The following DPH6 variants were observed in gnomAD, a reference collection of about 807,000 sequenced individuals.
The protein encoded by DPH6 is diphthine--ammonia ligase.
In DPH6, 33 loss-of-function variants were observed where a neutral mutation model predicts 38.2. That is an observed-to-expected ratio of 0.86 (90% CI 0.65 to 1.15). The LOEUF (loss-of-function observed/expected upper bound fraction) is 1.15, where lower values mean the gene tolerates loss of function less well. DPH6 is among the 50% of genes most tolerant of loss of function. The pLI is 0.00. For synonymous variants in DPH6, 108 were observed against 103.0 expected (o/e 1.05, Z -0.30); for missense variants, 325 against 320.0 (o/e 1.02, Z -0.12).
intron 3 of DPH6, among the ~76,000 whole-genome samples, chr15:35,468,087 C>T (rs1349792259): frequency 1.3e-5 from 2 of 152,144 alleles, no homozygotes; most frequent in African/African-American, 4.8e-5. Context: ...TCATTGGATA[C>T]AAGTAAGGCT....
In DPH6 at chr15:35,300,339, A is replaced by C. The variant is rs139138343; in HGVS notation, n.200+73182T>G. Among the ~76,000 whole-genome samples the C allele has an allele frequency of 6.4e-4, 98 of 152,344 alleles. 1 individual carries two copies. Among genetic ancestry groups the C allele is most frequent in the African/African-American group, 2.1e-3 (89 of 41,582 alleles). On this transcript the variant is annotated intron_variant and non_coding_transcript_variant, in intron 3 of 3. Transcript: ENST00000560386. ...TTCTTAAAAGATCATTTTGAGTACT[A>C]CATTGAGAATAAATCATGGAGGAGG...
At chr15:35,436,514 C>CAAAAAAAA (rs1277172991) in intron 5 of DPH6, among the ~76,000 whole-genome samples, 3,485 of 123,206 alleles carry the variant, frequency 0.028, 286 homozygotes, top group East Asian at 0.086. Context: ...CAAAACAAAA[C>CAAAAAAAA]AAAAAAGGTT....
intron 3 of DPH6, among the ~76,000 whole-genome samples, chr15:35,222,571 T>C (rs1315043288): frequency 2.0e-5 from 3 of 152,044 alleles, no homozygotes; most frequent in Admixed American, 2.0e-4. Flanking sequence ...AGATGAGAAA[T>C]GGTTGCATTC....
intron 5 of DPH6, among the ~76,000 whole-genome samples, chr15:35,420,406 A>T (rs1055170032): frequency 9.2e-5 from 14 of 152,224 alleles, no homozygotes; most frequent in African/African-American, 3.1e-4. Context: ...AAAGAAGACA[A>T]GCCCAAAGAT....
intron 3 of DPH6, among the ~76,000 whole-genome samples, chr15:35,466,567 T>C (rs1364637373): frequency 1.3e-5 from 2 of 152,198 alleles, no homozygotes; most frequent in Admixed American, 6.5e-5. Flanking sequence ...TATGTAAAAT[T>C]TCATTTGCAG....
At chr15:35,454,668 A>T in intron 4 of DPH6, 79 bp downstream of exon 4, 2 of 1,218,480 alleles carry the variant, frequency 1.6e-6, no homozygotes, top group African/African-American at 1.5e-5. Context: ...TTATAATTTG[A>T]ATATGATTAT....
chr15:35,328,658 C>A (rs1397066646), downstream of DPH6, among the ~76,000 whole-genome samples: 1 of 152,148 alleles, frequency 6.6e-6, no homozygotes, highest in Non-Finnish European at 1.5e-5. Context: ...AAAGAAGAAT[C>A]CTTGTCACAA....
the DPH6 span, among the ~76,000 whole-genome samples, chr15:35,188,065 T>C: frequency 6.6e-6 from 1 of 152,188 alleles, no homozygotes; most frequent in Admixed American, 6.5e-5. Context: ...GCATCCCCCC[T>C]GCACTAGGAA....
intron 3 of DPH6, among the ~76,000 whole-genome samples, chr15:35,339,712 C>A (rs112410683): frequency 3.2e-3 from 491 of 152,160 alleles, no homozygotes; most frequent in African/African-American, 0.011. Context: ...ATTTCTTAAT[C>A]CCAAATTCTA....
At chr15:35,200,406 G>C in the DPH6 span, among the ~76,000 whole-genome samples, 5 of 152,050 alleles carry the variant, frequency 3.3e-5, no homozygotes, top group African/African-American at 1.2e-4. Flanking sequence ...TTAGATACTA[G>C]CATTGAAACT....
intron 1 of DPH6, among the ~76,000 whole-genome samples, chr15:35,542,955 T>TATATATATATATATATATATATATATAA (rs2055281129): frequency 9.2e-6 from 1 of 108,910 alleles, no homozygotes; most frequent in Non-Finnish European, 1.9e-5. Context: ...AATATATATA[T>TATATATATATATATATATATATATATAA]ATATATATAT....
chr15:35,350,769 T>C (rs1193787018), intron 3 of DPH6, among the ~76,000 whole-genome samples: 1 of 152,200 alleles, frequency 6.6e-6, no homozygotes, highest in African/African-American at 2.4e-5. Context: ...GATTTCTAGT[T>C]TAATTCCACT....
chr15:35,268,567 T>G (rs318357), intron 3 of DPH6, among the ~76,000 whole-genome samples: 207 of 151,698 alleles, frequency 1.4e-3, no homozygotes, highest in Non-Finnish European at 2.4e-3. Context: ...TTTCTTCTGC[T>G]GCTTTAAAAA....
the DPH6 span, among the ~76,000 whole-genome samples, chr15:35,208,967 T>C: frequency 3.9e-5 from 6 of 152,168 alleles, no homozygotes; most frequent in Admixed American, 2.0e-4. Flanking sequence ...AAGGTATATC[T>C]TTTCACTTTT....
intron 3 of DPH6, chr15:35,237,599 C>T: frequency 6.3e-7 from 1 of 1,594,920 alleles, no homozygotes; most frequent in Non-Finnish European, 8.6e-7. Flanking sequence ...GAACCTCACG[C>T]ATCTAAATTT....
intron 6 of DPH6, chr15:35,396,287 C>T (rs1436414704): frequency 6.6e-6 from 1 of 152,198 alleles, no homozygotes; most frequent in Non-Finnish European, 1.5e-5. Context: ...ACCATCATGA[C>T]CTCTGGCCAT....
At chr15:35,332,548 T>C (rs980409695) in intron 3 of DPH6, among the ~76,000 whole-genome samples, 2 of 152,180 alleles carry the variant, frequency 1.3e-5, no homozygotes, top group South Asian at 2.1e-4. Context: ...TAAAAGGCCA[T>C]ATATTATTGC....
intron 6 of DPH6, among the ~76,000 whole-genome samples, chr15:35,408,444 T>A (rs894622552): frequency 6.6e-5 from 10 of 151,916 alleles, no homozygotes; most frequent in African/African-American, 2.4e-4. Flanking sequence ...AAGGCTACCA[T>A]CGAGTAAGTA....
chr15:35,489,417 A>C, intron 3 of DPH6: 6 of 985,202 alleles, frequency 6.1e-6, no homozygotes, highest in Non-Finnish European at 6.0e-6. Flanking sequence ...AACTAGCTTA[A>C]CTTTGTTTCT....
Sources: allele counts gnomAD v4.1 joint callset (sites outside exome capture counted in the v4.1 genomes callset), GRCh38; gene constraint gnomAD v4.1.1; transcripts MANE v1.5; gene names NCBI Gene and HGNC (gene_info 2026-07-23, HGNC 2026-07-21).